The following FRMD3 variants were observed in gnomAD, a reference collection of about 807,000 sequenced individuals.
The protein encoded by FRMD3 is FERM domain-containing protein 3.
Under a neutral mutation model 70.2 loss-of-function variants are expected in FRMD3, and 33 were observed. The observed-to-expected ratio is 0.47, with a 90% confidence interval of 0.36 to 0.63. The LOEUF is 0.63. Ranked by LOEUF, FRMD3 falls within the 20% of genes least tolerant of loss-of-function variation. The pLI is 0.00. For synonymous variants in FRMD3, 279 were observed against 255.9 expected, an observed-to-expected ratio of 1.09 and a Z score of -0.86; for missense variants, 632 against 711.4, an observed-to-expected ratio of 0.89 and a Z score of 1.27.
upstream of FRMD3, among the ~76,000 whole-genome samples, chr9:83,542,474 G>A (rs575561613): frequency 2.0e-4 from 31 of 152,252 alleles, no homozygotes; most frequent in African/African-American, 7.0e-4. Context: ...TAAATGGAGA[G>A]CTATTCCATG....
chr9:83,420,155 T>C (rs1335628981), intron 1 of FRMD3, among the ~76,000 whole-genome samples: 1 of 152,212 alleles, frequency 6.6e-6, no homozygotes, highest in African/African-American at 2.4e-5. Flanking sequence ...TGTGCTCTGT[T>C]ACCCTGTAAA....
rs538602398 is a variant in FRMD3, at chr9:83,481,452, A to G, written c.147+56633T>C. ...ACTTTTTAGAATGATGATTACAAAG[A>G]TTTTTAGAAGGCTATCATCCACATA... On this transcript the variant is annotated intron_variant, in intron 1 of 13. Coordinates refer to ENST00000304195, the MANE Select transcript of FRMD3 (RefSeq NM_174938.6). Among the ~76,000 whole-genome samples, 7 of 152,314 alleles carry G rather than the reference A, an allele frequency of 4.6e-5. No individual in the cohort carries two copies. In the East Asian group the frequency reaches 1.2e-3, roughly 25 times the overall value.
rs2375921 is a variant in FRMD3, at chr9:83,371,059, A to G, written c.295+1854T>C. Among the ~76,000 whole-genome samples, 338 of 152,298 alleles carry G rather than the reference A, an allele frequency of 2.2e-3. 6 individuals carry two copies. In the East Asian group the frequency reaches 0.056, roughly 25 times the overall value. On this transcript the variant is annotated intron_variant, in intron 3 of 13. Transcript: ENST00000304195. Reference sequence around the variant, plus strand: ...AGTATTGAAATGCCTTCAAAGATAAATTTCTATTTCAAAACTGGGTATGGC... The same window carrying G: ...AGTATTGAAATGCCTTCAAAGATAAGTTTCTATTTCAAAACTGGGTATGGC...
At chr9:83,562,656 T>C in the FRMD3 span, among the ~76,000 whole-genome samples, 1 of 152,280 alleles carries the variant, frequency 6.6e-6, no homozygotes, top group South Asian at 2.1e-4. Context: ...TTTCCAGATA[T>C]TGAAGCCAAT....
chr9:83,556,926 T>C, the FRMD3 span, among the ~76,000 whole-genome samples: 1 of 152,128 alleles, frequency 6.6e-6, no homozygotes, highest in Non-Finnish European at 1.5e-5. Flanking sequence ...ATTTTTGAAA[T>C]AGTTTATTTT....
chr9:83,371,616 T>C (rs775259343), intron 3 of FRMD3, among the ~76,000 whole-genome samples: 3 of 152,220 alleles, frequency 2.0e-5, no homozygotes, highest in Non-Finnish European at 4.4e-5. Context: ...CCCGTCCTAT[T>C]ATTTCTATCT....
At chr9:83,427,676 T>C (rs1826849925) in intron 1 of FRMD3, among the ~76,000 whole-genome samples, 1 of 151,886 alleles carries the variant, frequency 6.6e-6, no homozygotes, top group Non-Finnish European at 1.5e-5. Context: ...TATATATGAA[T>C]ATATGTATAT....
chr9:83,510,737 C>T (rs1327591058), intron 1 of FRMD3, among the ~76,000 whole-genome samples: 1 of 152,152 alleles, frequency 6.6e-6, no homozygotes, highest in East Asian at 1.9e-4. Flanking sequence ...CTTGAAAATC[C>T]TATGCTAAAT....
chr9:83,306,073 T>C (rs1835123624), intron 10 of FRMD3, among the ~76,000 whole-genome samples: 1 of 152,222 alleles, frequency 6.6e-6, no homozygotes, highest in African/African-American at 2.4e-5. Flanking sequence ...GTTTTTGCCT[T>C]TATTTAACTC....
At chr9:83,329,774 A>G (rs1481600340) in intron 6 of FRMD3, among the ~76,000 whole-genome samples, 6 of 152,170 alleles carry the variant, frequency 3.9e-5, no homozygotes, top group Admixed American at 6.5e-5. Flanking sequence ...TTTACTGCCA[A>G]TTGAGCCTTT....
At chr9:83,562,899 C>A in the FRMD3 span, among the ~76,000 whole-genome samples, 1,726 of 151,838 alleles carry the variant, frequency 0.011, 35 homozygotes, top group African/African-American at 0.039. Flanking sequence ...ATGCCCCCCC[C>A]CCAGCACAGA....
Position 83,536,661 on chromosome 9 carries a change from C to T in FRMD3, c.147+1424G>A, listed in dbSNP as rs116790671. Among the ~76,000 whole-genome samples, 716 of 152,130 alleles carry T rather than the reference C, an allele frequency of 4.7e-3. 11 individuals carry two copies. Among genetic ancestry groups the T allele is most frequent in the African/African-American group, 0.017 (691 of 41,480 alleles). On this transcript the variant is annotated intron_variant, in intron 1 of 13. Coordinates refer to ENST00000304195, the MANE Select transcript of FRMD3 (RefSeq NM_174938.6). ...TAGCTCAGAATGAAATTCAAGCTCC[C>T]CCAGAAAATTCAATGGGAGCCTACT... is the stretch of plus-strand genomic sequence containing the variant.
chr9:83,563,922 A>G, the FRMD3 span, among the ~76,000 whole-genome samples: 3 of 152,220 alleles, frequency 2.0e-5, 1 homozygote, highest in Non-Finnish European at 4.4e-5. Flanking sequence ...GTATAAATTC[A>G]GACATGTTCC....
chr9:83,268,525 T>C (rs1833381317), intron 13 of FRMD3, among the ~76,000 whole-genome samples: 1 of 152,244 alleles, frequency 6.6e-6, no homozygotes, highest in South Asian at 2.1e-4. Flanking sequence ...AATGGTTAAA[T>C]ACATGTGATG....
chr9:83,375,302 A>G (rs1024067370), intron 2 of FRMD3, among the ~76,000 whole-genome samples: 2 of 152,252 alleles, frequency 1.3e-5, no homozygotes, highest in Admixed American at 1.3e-4. Context: ...ACTCTAAATA[A>G]ACTGGCCTCC....
chr9:83,527,736 G>A (rs1348854284), intron 1 of FRMD3, among the ~76,000 whole-genome samples: 1 of 151,680 alleles, frequency 6.6e-6, no homozygotes, highest in African/African-American at 2.4e-5. Context: ...CTTCTCCCAG[G>A]GCTCAATGCT....
chr9:83,409,891 C>A (rs1057029920), intron 1 of FRMD3, among the ~76,000 whole-genome samples: 4 of 152,196 alleles, frequency 2.6e-5, no homozygotes, highest in Admixed American at 6.5e-5. Context: ...CTTCCGTTTT[C>A]CAACCAACCG....
chr9:83,257,308 C>T (rs1206341223), intron 13 of FRMD3, among the ~76,000 whole-genome samples: 2 of 152,046 alleles, frequency 1.3e-5, no homozygotes, highest in Non-Finnish European at 2.9e-5. Flanking sequence ...ACTTAAAAGT[C>T]GGAGCTGAAT....
At chr9:83,558,511 C>T in the FRMD3 span, among the ~76,000 whole-genome samples, 1 of 152,184 alleles carries the variant, frequency 6.6e-6, no homozygotes, top group Admixed American at 6.5e-5. Flanking sequence ...CACTTTATTG[C>T]TCTAATGGAG....
Sources: allele counts gnomAD v4.1 joint callset (sites outside exome capture counted in the v4.1 genomes callset), GRCh38; gene constraint gnomAD v4.1.1; transcripts MANE v1.5; gene names NCBI Gene and HGNC (gene_info 2026-07-23, HGNC 2026-07-21).